Variants in F13A1 observed in about 807,000 individuals in gnomAD.
The protein encoded by F13A1 is FSF, A subunit.
A neutral mutation model predicts 80.1 loss-of-function variants in F13A1; 47 were observed. The ratio of observed to expected loss-of-function variants is 0.59; its 90% CI spans 0.46 to 0.75. The LOEUF is 0.75. Among genes scored for constraint, F13A1 ranks in the 30% least tolerant of loss-of-function variants. The pLI, the probability that F13A1 is intolerant of heterozygous loss-of-function variation, is 0.00. For missense variants in F13A1, 817 were observed against 930.4 expected, an observed-to-expected ratio of 0.88 and a Z score of 1.59; for synonymous variants, 349 against 344.9, an observed-to-expected ratio of 1.01 and a Z score of -0.13.
intron 10 of F13A1, among the ~76,000 whole-genome samples, chr6:6,187,732 C>T (rs1258547117): frequency 2.1e-5 from 2 of 97,286 alleles, no homozygotes; most frequent in African/African-American, 4.2e-5. Context: ...ATGATGCTGG[C>T]CTCATAAAAT....
chr6:6,298,969 G>A (rs1277946046), intron 3 of F13A1, among the ~76,000 whole-genome samples: 1 of 148,260 alleles, frequency 6.7e-6, no homozygotes, highest in Non-Finnish European at 1.5e-5. Flanking sequence ...CTTAGCATTT[G>A]CTTGTCTGTA....
chr6:6,181,654 T>G (rs1017418612), intron 11 of F13A1, among the ~76,000 whole-genome samples: 2 of 152,228 alleles, frequency 1.3e-5, no homozygotes, highest in South Asian at 2.1e-4. Flanking sequence ...AAAATTACAT[T>G]AGTTATACAG....
intron 3 of F13A1, among the ~76,000 whole-genome samples, chr6:6,279,564 G>A (rs1460017376): frequency 2.0e-5 from 3 of 152,142 alleles, no homozygotes; most frequent in Non-Finnish European, 4.4e-5. Context: ...GAACATGAAG[G>A]TCACTGACCA....
chr6:6,198,213 G>T (rs1264191332), intron 8 of F13A1, among the ~76,000 whole-genome samples: 1 of 152,138 alleles, frequency 6.6e-6, no homozygotes, highest in Admixed American at 6.5e-5. Flanking sequence ...TTTATTAAAA[G>T]TGCTAAGGGT....
intron 13 of F13A1, among the ~76,000 whole-genome samples, chr6:6,156,309 CTCTCTT>C (rs1408327792): frequency 1.3e-5 from 2 of 152,230 alleles, no homozygotes. Flanking sequence ...CACACACATA[CTCTCTT>C]TCTCTTATAT....
chr6:6,234,035 G>T (rs1038581110), intron 6 of F13A1, among the ~76,000 whole-genome samples: 2 of 152,024 alleles, frequency 1.3e-5, no homozygotes, highest in Non-Finnish European at 2.9e-5. Context: ...TCTGAGAACT[G>T]GAATAAGACA....
chr6:6,272,478 A>G (rs2113131489), intron 3 of F13A1, among the ~76,000 whole-genome samples: 1 of 152,282 alleles, frequency 6.6e-6, no homozygotes, highest in Admixed American at 6.5e-5. Context: ...AAAGAAGCTG[A>G]TAACTCAGGA....
intron 4 of F13A1, among the ~76,000 whole-genome samples, chr6:6,262,889 C>A (rs981956157): frequency 4.1e-4 from 63 of 152,142 alleles, no homozygotes; most frequent in African/African-American, 1.4e-3. Context: ...GGATTTCACT[C>A]CTGAAACTTC....
intron 11 of F13A1, among the ~76,000 whole-genome samples, chr6:6,176,264 T>G (rs1259620262): frequency 6.6e-6 from 1 of 152,224 alleles, no homozygotes; most frequent in Non-Finnish European, 1.5e-5. Flanking sequence ...AATGCAATGG[T>G]GACTGAGAGG....
At position 6,243,329 on chromosome 6, in the gene F13A1, G is replaced by T. The variant is rs966172211; in HGVS notation, c.798+4983C>A. On this transcript the variant is annotated intron_variant, in intron 6 of 14. Transcript: ENST00000264870. The surrounding 1 kb of genome is among the most constrained non-coding windows in gnomAD (Gnocchi z 4.2). The stretch of plus-strand genomic sequence containing the variant: ...TATCACAATCACTATCACCACCACC[G>T]TCACCACCACCATCATCACTAACTC... 6.8e-6 allele frequency among the ~76,000 whole-genome samples: 1 copy of T among 147,490 alleles called. No homozygotes were observed. The highest frequency in any genetic ancestry group is 1.5e-5 in the Non-Finnish European group (1 of 66,582).
At chr6:6,167,417 G>A (rs375508103) in intron 13 of F13A1, 41 bp downstream of exon 13, 54 of 1,606,016 alleles carry the variant, frequency 3.4e-5, no homozygotes, top group East Asian at 4.5e-5. Flanking sequence ...CTAAGTCTGC[G>A]TGCCTTTGTC....
chr6:6,296,575 G>C (rs986840523), intron 3 of F13A1, among the ~76,000 whole-genome samples: 20 of 150,638 alleles, frequency 1.3e-4, no homozygotes, highest in Non-Finnish European at 3.0e-4. Context: ...AAGAATGCTT[G>C]TGATTTTTGT....
chr6:6,185,941 G>T (rs1489576577), intron 10 of F13A1, among the ~76,000 whole-genome samples: 3 of 149,978 alleles, frequency 2.0e-5, no homozygotes, highest in Admixed American at 2.0e-4. Context: ...GTATCTCATT[G>T]TGGTTTTGAT....
At chr6:6,166,445 CTTTGA>C (rs1489631059) in intron 13 of F13A1, among the ~76,000 whole-genome samples, 1 of 152,214 alleles carries the variant, frequency 6.6e-6, no homozygotes, top group Non-Finnish European at 1.5e-5. Context: ...CTTTATAAAG[CTTTGA>C]TTTATCTACC....
At chr6:6,313,529 G>T (rs1182109617) in intron 2 of F13A1, among the ~76,000 whole-genome samples, 4 of 152,116 alleles carry the variant, frequency 2.6e-5, no homozygotes, top group Non-Finnish European at 4.4e-5. Flanking sequence ...TTCAGAGAAT[G>T]ATTATACCTG....
At chr6:6,242,909 A>T (rs1757502047) in intron 6 of F13A1, among the ~76,000 whole-genome samples, 1 of 152,118 alleles carries the variant, frequency 6.6e-6, no homozygotes, top group Non-Finnish European at 1.5e-5. Flanking sequence ...ATACAACCCT[A>T]TGCTTATTTC....
chr6:6,195,865 CG>C lies in F13A1; in HGVS notation c.1236del (p.Ala413ProfsTer52), dbSNP rs1482175243. On this transcript the variant is annotated frameshift_variant, in exon 10 of 15. Coordinates refer to ENST00000264870, the MANE Select transcript of F13A1 (RefSeq NM_000129.4). LOFTEE classifies it high-confidence loss of function. ...ENSDGMYRCG[P>X]ASVQAIKHGH... ...CCGTGCTTGATGGCTTGAACCGAGG[CG>C]GGGCCACACCGATACATGCCTGCAT... 1 of 1,613,990 alleles carries C rather than the reference CG, an allele frequency of 6.2e-7. No individual in the cohort carries two copies. Among genetic ancestry groups the C allele is most frequent in the African/African-American group, 1.3e-5 (1 of 74,922 alleles).
chr6:6,267,397 C>G (rs6936413), intron 3 of F13A1, among the ~76,000 whole-genome samples: 36,427 of 152,140 alleles, frequency 0.24, 4,598 homozygotes, highest in South Asian at 0.36. Context: ...ATGGGACTCA[C>G]CCTCTCAGGA....
Position 6,247,359 on chromosome 6 carries a change from T to C in F13A1, c.798+953A>G, listed in dbSNP as rs573839751. Among the ~76,000 whole-genome samples, 25 of 152,324 alleles carry C rather than the reference T, an allele frequency of 1.6e-4. 1 individual carries two copies. The highest frequency in any genetic ancestry group is 5.1e-4 in the African/African-American group (21 of 41,580). ...AGAAAACTTAGGGAAATTGGTAATA[T>C]AAGTATTTCTTTTTTTCAGTCTTTG... On this transcript the variant is annotated intron_variant, in intron 6 of 14. Transcript: ENST00000264870.
Sources: gnomAD v4.1 joint callset for allele counts (sites outside exome capture counted in the v4.1 genomes callset) on GRCh38, gnomAD v4.1.1 for gene constraint, Gnocchi (gnomAD v3.1) non-coding constraint, MANE v1.5 for transcripts, NCBI Gene and HGNC (gene_info 2026-07-23, HGNC 2026-07-21) for gene names.